PCLO: variants seen among roughly 807,000 people sequenced by gnomAD.
PCLO encodes protein piccolo.
In PCLO, 82 loss-of-function variants were observed where a neutral mutation model predicts 427.5. That is an observed-to-expected ratio of 0.19 (90% CI 0.16 to 0.23). The LOEUF is 0.23. Ranked by LOEUF, PCLO falls within the 10% of genes least tolerant of loss-of-function variation. The pLI is 1.00. For missense variants in PCLO, 6,239 were observed against 6,115.9 expected (o/e 1.02, Z -0.67); for synonymous variants, 2,357 against 2,155.4 (o/e 1.09, Z -2.59).
chr7:82,761,224 T>C (rs565170513), intron 23 of PCLO, 135 bp downstream of exon 23: 1 of 554,100 alleles, frequency 1.8e-6, no homozygotes, highest in East Asian at 3.0e-5. Context: ...AAACAACTTG[T>C]TACATATGTT....
chr7:82,999,416 A>T (rs1306702208), intron 3 of PCLO, among the ~76,000 whole-genome samples: 1 of 18,756 alleles, frequency 5.3e-5, no homozygotes, highest in African/African-American at 6.5e-4. Context: ...TCCATTATAT[A>T]ATATATTATA....
intron 9 of PCLO, among the ~76,000 whole-genome samples, chr7:82,897,416 G>T (rs74352831): frequency 0.039 from 5,960 of 151,474 alleles, 405 homozygotes; most frequent in African/African-American, 0.14. Flanking sequence ...GAAGATTACA[G>T]GTCTGTGTTT....
intron 3 of PCLO, among the ~76,000 whole-genome samples, chr7:83,109,050 G>C (rs1317074142): frequency 6.6e-6 from 1 of 152,072 alleles, no homozygotes; most frequent in Non-Finnish European, 1.5e-5. Context: ...CCTGTTCACT[G>C]TCTATCCCCA....
intron 4 of PCLO, among the ~76,000 whole-genome samples, chr7:82,963,906 T>G (rs909946422): frequency 6.6e-6 from 1 of 151,776 alleles, no homozygotes; most frequent in African/African-American, 2.4e-5. Flanking sequence ...AAAAGTATAA[T>G]AAAAAGAAAG....
At chr7:82,828,091 T>C (rs1791994176) in intron 16 of PCLO, 125 bp from the exon 17 acceptor site, 1 of 641,470 alleles carries the variant, frequency 1.6e-6, no homozygotes, top group Non-Finnish European at 2.7e-6. Flanking sequence ...AATTATCTCA[T>C]CATCCTCATG....
chr7:83,026,126 G>C (rs1395602208), intron 3 of PCLO, among the ~76,000 whole-genome samples: 2 of 151,918 alleles, frequency 1.3e-5, no homozygotes, highest in African/African-American at 4.8e-5. Flanking sequence ...AATGTAAATG[G>C]ACTAAATGCT....
intron 6 of PCLO, among the ~76,000 whole-genome samples, chr7:82,937,571 A>G (rs1562868491): frequency 1.3e-5 from 2 of 151,636 alleles, no homozygotes; most frequent in Non-Finnish European, 3.0e-5. Flanking sequence ...GTGCTTTTGG[A>G]AACTTTATCT....
At chr7:82,794,483 T>C (rs1791183147) in intron 22 of PCLO, among the ~76,000 whole-genome samples, 1 of 111,274 alleles carries the variant, frequency 9.0e-6, no homozygotes, top group East Asian at 2.8e-4. Flanking sequence ...TTTTTTTTTT[T>C]TTTTTTGAGA....
intron 3 of PCLO, among the ~76,000 whole-genome samples, chr7:82,991,860 T>C (rs1796383422): frequency 6.6e-6 from 1 of 152,146 alleles, no homozygotes; most frequent in South Asian, 2.1e-4. Context: ...AGGGCAATTA[T>C]GTCAGGCTTC....
At position 82,830,332 on chromosome 7, in the gene PCLO, C is replaced by A. The variant is rs534485274; in HGVS notation, c.14250-2366G>T. On this transcript the variant is annotated intron_variant, in intron 16 of 24. Transcript: ENST00000333891. ...GTTCCTTTAAATTTAGTTTTGGATT[C>A]TTTTTTTGATGGTGACTTAGAACTA... Among the ~76,000 whole-genome samples the A allele has an allele frequency of 7.9e-5, 12 of 151,668 alleles. No homozygotes were observed. The South Asian group carries it at 2.1e-3, about 26-fold the overall frequency.
chr7:82,966,546 G>T, intron 3 of PCLO, 59 bp from the exon 4 acceptor site: 1 of 1,112,206 alleles, frequency 9.0e-7, no homozygotes, highest in Non-Finnish European at 1.2e-6. Context: ...CTGTTTCTGT[G>T]ATTTTACCAA....
Position 82,760,774 on chromosome 7 carries a change from C to T in PCLO, c.15153G>A (p.Val5051=). 1 of 1,446,758 alleles carries T rather than the reference C, an allele frequency of 6.9e-7. No homozygotes were observed. The highest frequency in any genetic ancestry group is 1.2e-5 in the South Asian group (1 of 81,152). 89.6% of individuals were successfully genotyped at this position (1,446,758 alleles called of 1,614,324 possible). ...KSPDHLPDLY[V]KIYVMNISTQ... ...TAGAAATATTCATCACATATATTTT[C>T]ACATATAAATCTGAAAATAAGAATT... Residue 5051 remains valine, a synonymous_variant, in exon 24 of 25, where the codon GTG becomes GTA. Transcript: ENST00000333891.
chr7:82,848,304 G>GTTTTTTTT lies in PCLO; in HGVS notation c.13655-1065_13655-1058dup, dbSNP rs71522632. ...AATTATGTTGTTGAACCATTAGTTAGTTTTTTTTTTTTTTTTTTTTTTTTT... is the reference window on the plus strand; with the variant it reads ...AATTATGTTGTTGAACCATTAGTTAGTTTTTTTTTTTTTTTTTTTTTTTTTTTTTTTTT... On this transcript the variant is annotated intron_variant, in intron 10 of 24. Coordinates refer to ENST00000333891, the MANE Select transcript of PCLO (RefSeq NM_033026.6). Among the ~76,000 whole-genome samples, 28 of 83,882 alleles carry GTTTTTTTT rather than the reference G, an allele frequency of 3.3e-4. 2 individuals carry two copies. Among genetic ancestry groups the GTTTTTTTT allele is most frequent in the East Asian group, 1.9e-3 (4 of 2,100 alleles). The allele number at this position is 83,882 out of a possible 152,430, so 55.0% of individuals were successfully genotyped here.
chr7:82,892,541 C>G lies in PCLO; in HGVS notation c.13528+10110G>C, dbSNP rs576970986. Among the ~76,000 whole-genome samples the G allele has an allele frequency of 5.1e-3, 783 of 152,050 alleles. 7 individuals carry two copies. The highest frequency in any genetic ancestry group is 0.018 in the African/African-American group (746 of 41,474). On this transcript the variant is annotated intron_variant, in intron 9 of 24. Transcript: ENST00000333891. The stretch of plus-strand genomic sequence containing the variant: ...GGCAAGGACTTCATGTCTAAAACAC[C>G]AAAAGCAATGGCAACAAAAGCCAAA...
At chr7:82,822,945 A>G (rs1791831732) in intron 19 of PCLO, among the ~76,000 whole-genome samples, 1 of 152,198 alleles carries the variant, frequency 6.6e-6, no homozygotes, top group South Asian at 2.1e-4. Flanking sequence ...AGCTTCTAGT[A>G]ATAAATATGT....
chr7:83,064,315 T>C (rs1789611996), intron 3 of PCLO, among the ~76,000 whole-genome samples: 1 of 152,022 alleles, frequency 6.6e-6, no homozygotes, highest in Non-Finnish European at 1.5e-5. Context: ...GGTCATATAC[T>C]GCAGGAAGAA....
At position 82,845,443 on chromosome 7, in the gene PCLO, G is replaced by C; in HGVS notation, c.13874C>G (p.Ala4625Gly). The C allele has an allele frequency of 6.2e-7, 1 of 1,612,958 alleles. No individual in the cohort carries two copies. Among genetic ancestry groups the C allele is most frequent in the South Asian group, 1.1e-5 (1 of 90,998 alleles). The change falls in exon 13 of 25, where the codon GCA becomes GGA. Residue 4625 changes from alanine (A) to glycine (G), a missense_variant. Physicochemically the swap from Ala to Gly is moderately conservative, Grantham distance 60 (BLOSUM62 0). Around this residue, in one of 5 missense-constraint regions of PCLO, gnomAD observed 877 missense variants for 925.5 expected, o/e 0.95. Coordinates refer to ENST00000333891, the MANE Select transcript of PCLO (RefSeq NM_033026.6). ...KSPGVDPKQL[A>G]AELQKVSLQQ... is the part of the protein sequence containing the mutation. Reference sequence around the variant, plus strand: ...TAGTGAAACCTTCTGGAGTTCTGCTGCCAACTGCTTAGGATCAACCCCTGG... The same window carrying C: ...TAGTGAAACCTTCTGGAGTTCTGCTCCCAACTGCTTAGGATCAACCCCTGG...
chr7:83,148,346 A>G (rs936155988), intron 2 of PCLO, among the ~76,000 whole-genome samples: 4 of 151,938 alleles, frequency 2.6e-5, no homozygotes, highest in Non-Finnish European at 5.9e-5. Flanking sequence ...CCCTACTTCA[A>G]TTTTCTTCAT....
chr7:82,946,624 A>T (rs887447439), intron 6 of PCLO, among the ~76,000 whole-genome samples: 2 of 152,148 alleles, frequency 1.3e-5, no homozygotes, highest in Non-Finnish European at 2.9e-5. Context: ...GGGTGGGGGC[A>T]AGGTTGGCCC....
Sources: allele counts gnomAD v4.1 joint callset (sites outside exome capture counted in the v4.1 genomes callset), GRCh38; gene constraint gnomAD v4.1.1; regional missense constraint gnomAD v4.1.1; transcripts MANE v1.5; gene names NCBI Gene and HGNC (gene_info 2026-07-23, HGNC 2026-07-21).